PMFBP1: variants seen among roughly 807,000 people sequenced by gnomAD.
PMFBP1 encodes the protein polyamine-modulated factor 1-binding protein 1.
Under a neutral mutation model 137.8 loss-of-function variants are expected in PMFBP1, and 131 were observed. The observed-to-expected ratio is 0.95, with a 90% CI of 0.82 to 1.10. The LOEUF is 1.10. Ranked by LOEUF, PMFBP1 falls within the 50% of genes least tolerant of loss-of-function variation. The probability of loss-of-function intolerance (pLI) is 0.00; values close to 1 mark genes in which losing one functional copy is unlikely to be tolerated. For synonymous variants in PMFBP1, 490 were observed against 450.4 expected, an observed-to-expected ratio of 1.09 and a Z score of -1.11; for missense variants, 1,199 against 1,175.4, an observed-to-expected ratio of 1.02 and a Z score of -0.29.
At chr16:72,191,737 A>G in the PMFBP1 span, among the ~76,000 whole-genome samples, 1 of 152,196 alleles carries the variant, frequency 6.6e-6, no homozygotes, top group South Asian at 2.1e-4. Flanking sequence ...CTCTTGAGGT[A>G]TGAGGGCACA....
intron 7 of PMFBP1, among the ~76,000 whole-genome samples, chr16:72,138,183 A>T (rs778890105): frequency 6.6e-5 from 10 of 152,226 alleles, no homozygotes; most frequent in Non-Finnish European, 1.3e-4. Context: ...ATATTGACAG[A>T]TGTCCAAGGA....
the PMFBP1 span, among the ~76,000 whole-genome samples, chr16:72,248,001 T>C: frequency 6.6e-6 from 1 of 152,176 alleles, no homozygotes; most frequent in Non-Finnish European, 1.5e-5. Flanking sequence ...CAACCAAACA[T>C]CTGCCTCGGT....
the PMFBP1 span, among the ~76,000 whole-genome samples, chr16:72,244,808 C>A: frequency 1.3e-5 from 2 of 152,136 alleles, no homozygotes; most frequent in Non-Finnish European, 2.9e-5. Flanking sequence ...CTTTCACTCC[C>A]CAGGCTAGCC....
At chr16:72,158,027 C>CA (rs2043008447) in intron 3 of PMFBP1, among the ~76,000 whole-genome samples, 1 of 152,086 alleles carries the variant, frequency 6.6e-6, no homozygotes, top group Non-Finnish European at 1.5e-5. Context: ...ACCTGAAAGA[C>CA]AAAAAATCTC....
the PMFBP1 span, among the ~76,000 whole-genome samples, chr16:72,201,564 C>T: frequency 1.3e-5 from 2 of 152,152 alleles, no homozygotes; most frequent in South Asian, 2.1e-4. Flanking sequence ...TACAGAAGGG[C>T]CTGGCTCCAA....
At chr16:72,190,252 C>G in the PMFBP1 span, among the ~76,000 whole-genome samples, 1 of 152,166 alleles carries the variant, frequency 6.6e-6, no homozygotes, top group Non-Finnish European at 1.5e-5. Flanking sequence ...GTTTTAGGGA[C>G]GGACTATTAT....
the PMFBP1 span, among the ~76,000 whole-genome samples, chr16:72,188,105 G>C: frequency 1.3e-5 from 2 of 152,216 alleles, no homozygotes; most frequent in African/African-American, 2.4e-5. Context: ...GATGTAGTTT[G>C]TTTAATATAA....
chr16:72,241,783 G>C, the PMFBP1 span, among the ~76,000 whole-genome samples: 3 of 152,076 alleles, frequency 2.0e-5, no homozygotes, highest in Non-Finnish European at 4.4e-5. Flanking sequence ...GTTTGTATTA[G>C]GTTATTTAAT....
the PMFBP1 span, among the ~76,000 whole-genome samples, chr16:72,232,425 C>A: frequency 4.6e-5 from 7 of 152,182 alleles, no homozygotes; most frequent in South Asian, 1.2e-3. Context: ...CTTCTCAGAC[C>A]CACTATTGTT....
In PMFBP1 at chr16:72,119,898, C is replaced by T. The variant is rs945516711; in HGVS notation, c.2960G>A (p.Gly987Asp). Residue 987 changes from glycine (G) to aspartate (D), a missense_variant, in exon 20 of 21, where the codon GGT becomes GAT. Gly to Asp is a moderately conservative substitution (Grantham distance 94, BLOSUM62 -1). Coordinates refer to ENST00000237353, the MANE Select transcript of PMFBP1 (RefSeq NM_031293.3). ...LGWKGLPQDM[G>D]QRMDLTKYIG... The stretch of plus-strand genomic sequence containing the variant: ...GTACTTGGTGAGGTCCATTCTTTGA[C>T]CCATATCCTGGGGCAACCCCTTCCA... 1 of 1,614,190 alleles carries T rather than the reference C, an allele frequency of 6.2e-7. No individual in the cohort carries two copies. Among genetic ancestry groups the T allele is most frequent in the Non-Finnish European group, 8.5e-7 (1 of 1,180,032 alleles).
At chr16:72,129,013 T>C (rs2042505794) in intron 13 of PMFBP1, 53 bp downstream of exon 13, 1 of 1,589,894 alleles carries the variant, frequency 6.3e-7, no homozygotes, top group Admixed American at 1.8e-5. Context: ...CCAGGTGGGG[T>C]CATGTCCCGC....
At chr16:72,132,681 TGGCTGCTCTAG>T (rs1253080357) in intron 10 of PMFBP1, 56 bp downstream of exon 10, 10 of 1,595,410 alleles carry the variant, frequency 6.3e-6, no homozygotes, top group South Asian at 3.4e-5. Context: ...AGAGAGAAGG[TGGCTGCTCTAG>T]GGCTGCTCTA....
chr16:72,122,879 C>T, intron 19 of PMFBP1, 35 bp downstream of exon 19: 1 of 1,594,240 alleles, frequency 6.3e-7, no homozygotes, highest in Non-Finnish European at 8.6e-7. Flanking sequence ...TTGTCAGCTC[C>T]CAGGAAGCAG....
At chr16:72,143,709 C>A (rs2042759110) in intron 5 of PMFBP1, among the ~76,000 whole-genome samples, 1 of 151,228 alleles carries the variant, frequency 6.6e-6, no homozygotes, top group Non-Finnish European at 1.5e-5. Flanking sequence ...CCTCACTGCA[C>A]TCTAGACTGG....
At chr16:72,179,034 G>T (rs1246789826), upstream of PMFBP1, among the ~76,000 whole-genome samples, 2 of 152,136 alleles carry the variant, frequency 1.3e-5, no homozygotes, top group East Asian at 3.8e-4. Context: ...CAAGACTCTT[G>T]TCTTAAGAAA....
chr16:72,156,942 C>A (rs1323080963), intron 3 of PMFBP1, among the ~76,000 whole-genome samples: 2 of 151,656 alleles, frequency 1.3e-5, no homozygotes, highest in African/African-American at 4.8e-5. Context: ...AATCCCAGCA[C>A]TTTGGGAGGC....
intron 5 of PMFBP1, among the ~76,000 whole-genome samples, chr16:72,143,993 A>G (rs2042763952): frequency 6.6e-6 from 1 of 152,138 alleles, no homozygotes; most frequent in African/African-American, 2.4e-5. Context: ...GTGAGCCGAG[A>G]TTGCACCATT....
At chr16:72,138,707 A>G (rs561056414) in intron 7 of PMFBP1, among the ~76,000 whole-genome samples, 1 of 151,794 alleles carries the variant, frequency 6.6e-6, no homozygotes, top group African/African-American at 2.4e-5. Flanking sequence ...GTAGAGATGG[A>G]GTTTCACCAA....
At chr16:72,217,116 C>A in the PMFBP1 span, among the ~76,000 whole-genome samples, 1 of 152,004 alleles carries the variant, frequency 6.6e-6, no homozygotes, top group Non-Finnish European at 1.5e-5. Flanking sequence ...CTCTCTAGTC[C>A]GTGCATCTAG....
Sources: gnomAD v4.1 joint callset for allele counts (sites outside exome capture counted in the v4.1 genomes callset) on GRCh38, gnomAD v4.1.1 for gene constraint, MANE v1.5 for transcripts, NCBI Gene and HGNC (gene_info 2026-07-23, HGNC 2026-07-21) for gene names.